ARHGAP18: variants seen among roughly 807,000 people sequenced by gnomAD.
ARHGAP18 encodes Rho GTPase activating protein 18, also known as rho GTPase-activating protein 18.
A neutral mutation model predicts 86.2 loss-of-function variants in ARHGAP18; 67 were observed. That is an observed-to-expected ratio of 0.78 (90% CI 0.64 to 0.95). The LOEUF is 0.95. Among genes scored for constraint, ARHGAP18 ranks in the 40% least tolerant of loss-of-function variants. ARHGAP18 has a pLI of 0.00. For synonymous variants in ARHGAP18, 283 were observed against 280.4 expected (o/e 1.01, Z -0.09); for missense variants, 691 against 780.4 (o/e 0.89, Z 1.37).
intron 5 of ARHGAP18, among the ~76,000 whole-genome samples, chr6:129,628,068 A>G (rs1019790076): frequency 2.0e-5 from 3 of 152,154 alleles, no homozygotes; most frequent in Middle Eastern, 3.2e-3. Context: ...GGGGTTCAGA[A>G]TACCATTTTT....
chr6:129,701,249 G>A (rs1344971195), intron 1 of ARHGAP18, among the ~76,000 whole-genome samples: 3 of 152,134 alleles, frequency 2.0e-5, no homozygotes, highest in Non-Finnish European at 4.4e-5. Flanking sequence ...ACTTTGCGAA[G>A]CAGGAAGGGC....
chr6:129,641,047 G>A (rs1423539857), intron 2 of ARHGAP18, among the ~76,000 whole-genome samples: 2 of 152,090 alleles, frequency 1.3e-5, no homozygotes, highest in Non-Finnish European at 2.9e-5. Flanking sequence ...CCAAATACAA[G>A]AAAGAAGTAA....
chr6:129,683,350 C>T lies in ARHGAP18; in HGVS notation c.113+26674G>A, dbSNP rs1376663330. On this transcript the variant is annotated intron_variant, in intron 1 of 14. Coordinates refer to ENST00000368149, the MANE Select transcript of ARHGAP18 (RefSeq NM_033515.3). Reference sequence around the variant, plus strand: ...CCTCCCAAAGTGCTGGGATTACAGGCGTGAGCCACCACGCCCGGCCTTGTT... The same window carrying T: ...CCTCCCAAAGTGCTGGGATTACAGGTGTGAGCCACCACGCCCGGCCTTGTT... Among the ~76,000 whole-genome samples the T allele has an allele frequency of 3.3e-5, 5 of 152,120 alleles. 1 individual carries two copies. Among genetic ancestry groups the T allele is most frequent in the East Asian group, 1.9e-4 (1 of 5,190 alleles).
At chr6:129,656,643 C>CA (rs1221434723) in intron 1 of ARHGAP18, among the ~76,000 whole-genome samples, 3 of 128,106 alleles carry the variant, frequency 2.3e-5, no homozygotes, top group African/African-American at 9.4e-5. Flanking sequence ...GATTCCGTCT[C>CA]AAAAAAATAA....
chr6:129,676,740 C>G (rs6569619), intron 1 of ARHGAP18, among the ~76,000 whole-genome samples: 78,640 of 151,670 alleles, frequency 0.52, 21,185 homozygotes, highest in African/African-American at 0.67. Context: ...AGCTCCCCAA[C>G]TAGTCACTTT....
chr6:129,635,873 C>T (rs1199835547), intron 3 of ARHGAP18, among the ~76,000 whole-genome samples: 2 of 152,196 alleles, frequency 1.3e-5, no homozygotes, highest in African/African-American at 2.4e-5. Context: ...TCAGATGATA[C>T]AATCCACCAA....
chr6:129,625,427 T>G (rs1374658565), intron 5 of ARHGAP18, among the ~76,000 whole-genome samples: 1 of 50,694 alleles, frequency 2.0e-5, no homozygotes, highest in Non-Finnish European at 3.0e-5. Flanking sequence ...ATAATATATA[T>G]TATATATAAT....
chr6:129,645,892 G>A (rs908378803), intron 1 of ARHGAP18, among the ~76,000 whole-genome samples: 1 of 152,082 alleles, frequency 6.6e-6, no homozygotes, highest in African/African-American at 2.4e-5. Context: ...TGAGGGCTTT[G>A]TTTTGTTGTA....
intron 1 of ARHGAP18, among the ~76,000 whole-genome samples, chr6:129,642,863 AT>A (rs1773497696): frequency 2.0e-5 from 3 of 152,250 alleles, no homozygotes; most frequent in African/African-American, 7.2e-5. Context: ...TCTAATCTTT[AT>A]TTATAAATGG....
Position 129,616,319 on chromosome 6 carries a change from T to C in ARHGAP18, c.953-16A>G. The C allele has an allele frequency of 6.3e-7, 1 of 1,587,014 alleles. No individual in the cohort carries two copies. Among genetic ancestry groups the C allele is most frequent in the Non-Finnish European group, 8.6e-7 (1 of 1,161,168 alleles). The stretch of plus-strand genomic sequence containing the variant: ...AGACCAGAATCTGCAAGAAAAAAAA[T>C]GAAATTTCCTCACTTTTGTCAATCT... On this transcript the variant is annotated splice_polypyrimidine_tract_variant and intron_variant, in intron 6 of 14. Transcript: ENST00000368149.
chr6:129,643,382 T>A (rs1472187495), intron 1 of ARHGAP18, among the ~76,000 whole-genome samples: 2 of 152,184 alleles, frequency 1.3e-5, no homozygotes, highest in African/African-American at 4.8e-5. Flanking sequence ...GATGGTTTCA[T>A]AAGGGGCTTT....
intron 3 of ARHGAP18, among the ~76,000 whole-genome samples, chr6:129,637,967 C>T (rs1172613314): frequency 1.3e-5 from 2 of 152,218 alleles, no homozygotes; most frequent in Admixed American, 6.5e-5. Flanking sequence ...AGCTCCCTCA[C>T]ATTCTACTTC....
chr6:129,701,341 C>T (rs1448960695), intron 1 of ARHGAP18, among the ~76,000 whole-genome samples: 1 of 152,180 alleles, frequency 6.6e-6, no homozygotes, highest in Non-Finnish European at 1.5e-5. Flanking sequence ...ATGCCACATC[C>T]TTTGTCCAGG....
intron 3 of ARHGAP18, 119 bp downstream of exon 3, chr6:129,638,275 T>C: frequency 1.0e-6 from 1 of 999,862 alleles, no homozygotes; most frequent in Non-Finnish European, 1.5e-6. Context: ...GCATAGAGCT[T>C]TGGTGCCTGG....
chr6:129,578,305 A>AT lies in ARHGAP18; in HGVS notation c.*207dup, dbSNP rs1030163834. ...AAGCCTCTTTACTCTCACTCCAGAAATTTTTTTTCTAATAATAACATTAAT... is the reference window on the plus strand; with the variant it reads ...AAGCCTCTTTACTCTCACTCCAGAAATTTTTTTTTCTAATAATAACATTAAT... On this transcript the variant is annotated 3_prime_UTR_variant, in exon 15 of 15. Coordinates refer to ENST00000368149, the MANE Select transcript of ARHGAP18 (RefSeq NM_033515.3). 7 of 225,022 alleles carry AT rather than the reference A, an allele frequency of 3.1e-5. No homozygotes were observed. The highest frequency in any genetic ancestry group is 5.7e-5 in the Admixed American group (1 of 17,670). The allele number at this position is 225,022 out of a possible 1,614,324, so 13.9% of individuals were successfully genotyped here. A position where few individuals can be genotyped will look rare whatever the true frequency, so the allele number is the denominator to read the frequency against.
At chr6:129,616,145 A>G (rs1241204719) in intron 7 of ARHGAP18, 67 bp downstream of exon 7, 1 of 1,221,096 alleles carries the variant, frequency 8.2e-7, no homozygotes, top group South Asian at 1.5e-5. Flanking sequence ...TTATAATAAT[A>G]TGAATACAAA....
At chr6:129,683,981 C>A (rs1048171899) in intron 1 of ARHGAP18, among the ~76,000 whole-genome samples, 1 of 152,050 alleles carries the variant, frequency 6.6e-6, no homozygotes, top group African/African-American at 2.4e-5. Context: ...ACACTGACAG[C>A]GCGAGATGAT....
intron 1 of ARHGAP18, among the ~76,000 whole-genome samples, chr6:129,696,778 C>T (rs1774624045): frequency 1.3e-5 from 2 of 152,240 alleles, no homozygotes; most frequent in South Asian, 4.1e-4. Flanking sequence ...AGTCAAGCTC[C>T]AGGGTAAGGG....
intron 5 of ARHGAP18, among the ~76,000 whole-genome samples, chr6:129,620,922 C>A (rs1174302366): frequency 6.6e-6 from 1 of 152,184 alleles, no homozygotes; most frequent in Non-Finnish European, 1.5e-5. Context: ...GCTACTGCAA[C>A]AGACTGAATG....
Sources: gnomAD v4.1 joint callset for allele counts (sites outside exome capture counted in the v4.1 genomes callset) on GRCh38, gnomAD v4.1.1 for gene constraint, MANE v1.5 for transcripts, NCBI Gene and HGNC (gene_info 2026-07-23, HGNC 2026-07-21) for gene names.